Variants in PDSS2 observed in about 807,000 individuals in gnomAD.
PDSS2 encodes decaprenyl diphosphate synthase subunit 2, also known as all trans-polyprenyl-diphosphate synthase PDSS2.
Under a neutral mutation model 44.5 loss-of-function variants are expected in PDSS2, and 31 were observed. The ratio of observed to expected loss-of-function variants is 0.70; its 90% CI spans 0.52 to 0.94. PDSS2 has a LOEUF of 0.94. PDSS2 is among the 40% of genes least tolerant of loss of function. The pLI is 0.00. For synonymous variants in PDSS2, 157 were observed against 180.3 expected, an observed-to-expected ratio of 0.87 and a Z score of 1.03; for missense variants, 452 against 482.2, an observed-to-expected ratio of 0.94 and a Z score of 0.59.
intron 2 of PDSS2, among the ~76,000 whole-genome samples, chr6:107,326,010 CA>C (rs1267300755): frequency 1.3e-5 from 2 of 152,016 alleles, no homozygotes; most frequent in Admixed American, 6.5e-5. Flanking sequence ...CAGCCATGAT[CA>C]AATAGTCATT....
chr6:107,190,013 G>T lies in PDSS2; in HGVS notation c.1041+3809C>A, dbSNP rs186704171. ...GCAAGAGGATCATTTGAGCCCAGGA[G>T]TGGGAGGCTGCAGTAAGCTATGATT... On this transcript the variant is annotated intron_variant, in intron 7 of 7. Coordinates refer to ENST00000369037, the MANE Select transcript of PDSS2 (RefSeq NM_020381.4). Among the ~76,000 whole-genome samples the T allele has an allele frequency of 2.1e-4, 32 of 152,052 alleles. 2 individuals are homozygous for T. Among genetic ancestry groups the T allele is most frequent in the African/African-American group, 7.2e-4 (30 of 41,490 alleles).
chr6:107,448,454 T>C (rs1781759899), intron 1 of PDSS2, among the ~76,000 whole-genome samples: 1 of 152,186 alleles, frequency 6.6e-6, no homozygotes. Flanking sequence ...CCAATCTCTT[T>C]GCTAAAGCAT....
chr6:107,337,941 C>T (rs1237366646), intron 1 of PDSS2, among the ~76,000 whole-genome samples: 1 of 151,886 alleles, frequency 6.6e-6, no homozygotes, highest in Non-Finnish European at 1.5e-5. Flanking sequence ...ATTAAGAGAG[C>T]ATTCAGAAAA....
chr6:107,331,262 A>G (rs776673718), intron 2 of PDSS2, among the ~76,000 whole-genome samples: 24 of 152,226 alleles, frequency 1.6e-4, no homozygotes, highest in South Asian at 6.2e-4. Context: ...CACTATACCA[A>G]ATTACTTTTT....
chr6:107,173,984 T>C (rs1771699848), intron 7 of PDSS2, among the ~76,000 whole-genome samples: 2 of 152,166 alleles, frequency 1.3e-5, no homozygotes, highest in Non-Finnish European at 2.9e-5. Flanking sequence ...TACAAAAAAA[T>C]GCAAATGCAA....
At chr6:107,393,974 C>T (rs1328411539) in intron 1 of PDSS2, among the ~76,000 whole-genome samples, 2 of 152,146 alleles carry the variant, frequency 1.3e-5, no homozygotes, top group African/African-American at 2.4e-5. Flanking sequence ...TTATAGACAG[C>T]CAAGAGTTTC....
intron 7 of PDSS2, among the ~76,000 whole-genome samples, chr6:107,162,069 G>A (rs764450693): frequency 9.9e-5 from 15 of 152,104 alleles, no homozygotes; most frequent in African/African-American, 3.4e-4. Context: ...CCTGTGAGTC[G>A]TTAGGACTTG....
At chr6:107,314,617 C>G (rs966900584) in intron 2 of PDSS2, among the ~76,000 whole-genome samples, 1 of 152,196 alleles carries the variant, frequency 6.6e-6, no homozygotes, top group African/African-American at 2.4e-5. Flanking sequence ...GTTTATTACA[C>G]AGTGCTCATT....
intron 4 of PDSS2, among the ~76,000 whole-genome samples, chr6:107,218,777 G>C (rs1048208666): frequency 1.4e-4 from 21 of 152,070 alleles, no homozygotes; most frequent in Admixed American, 2.6e-4. Flanking sequence ...TCTCCTTTAG[G>C]CTGGATGCGG....
chr6:107,334,389 A>G (rs1317168580), intron 1 of PDSS2, 57 bp from the exon 2 acceptor site: 4 of 1,487,538 alleles, frequency 2.7e-6, no homozygotes, highest in Non-Finnish European at 3.7e-6. Flanking sequence ...TCATCAGATA[A>G]CTTAGAAAAC....
chr6:107,225,167 T>TATATATATATA, intron 4 of PDSS2, among the ~76,000 whole-genome samples: 1 of 43,518 alleles, frequency 2.3e-5, no homozygotes, highest in South Asian at 7.0e-4. Flanking sequence ...ATATATTTTT[T>TATATATATATA]TTTTTTTTTT....
chr6:107,168,395 AAT>A (rs1389610228), intron 7 of PDSS2, among the ~76,000 whole-genome samples: 1 of 152,074 alleles, frequency 6.6e-6, no homozygotes, highest in Non-Finnish European at 1.5e-5. Context: ...GGGTTTCCTG[AAT>A]ACAGCACACT....
intron 3 of PDSS2, among the ~76,000 whole-genome samples, chr6:107,246,432 C>T (rs1008714525): frequency 2.6e-5 from 4 of 152,158 alleles, no homozygotes; most frequent in South Asian, 2.1e-4. Context: ...CAACCCCATC[C>T]GCTTCTTACA....
intron 2 of PDSS2, among the ~76,000 whole-genome samples, chr6:107,308,316 T>C (rs1237997530): frequency 6.6e-6 from 1 of 152,252 alleles, no homozygotes; most frequent in Non-Finnish European, 1.5e-5. Context: ...TATCTGATTA[T>C]AATTATTATC....
intron 2 of PDSS2, among the ~76,000 whole-genome samples, chr6:107,304,542 G>A (rs146151755): frequency 2.3e-3 from 347 of 152,254 alleles, no homozygotes; most frequent in Middle Eastern, 3.4e-3. Context: ...TAATAGCTGC[G>A]TGAGCTGGAT....
chr6:107,420,977 G>A (rs564984332), intron 1 of PDSS2, among the ~76,000 whole-genome samples: 2 of 152,112 alleles, frequency 1.3e-5, no homozygotes, highest in Admixed American at 1.3e-4. Flanking sequence ...AATATGTAAA[G>A]AATTCTCTAA....
intron 1 of PDSS2, among the ~76,000 whole-genome samples, chr6:107,372,197 G>A (rs965267302): frequency 2.6e-4 from 40 of 152,142 alleles, no homozygotes; most frequent in Non-Finnish European, 1.3e-4. Context: ...AAGGTACCCA[G>A]GCAAAGATTT....
chr6:107,427,479 T>C (rs1478308075), intron 1 of PDSS2, among the ~76,000 whole-genome samples: 1 of 152,262 alleles, frequency 6.6e-6, no homozygotes. Flanking sequence ...AGAGCCTTTA[T>C]GAAATCAAAC....
chr6:107,212,645 T>C lies in PDSS2; in HGVS notation c.703-363A>G, dbSNP rs557986987. On this transcript the variant is annotated intron_variant, in intron 4 of 7. Coordinates refer to ENST00000369037, the MANE Select transcript of PDSS2 (RefSeq NM_020381.4). ...CTGGTATTAAGCACAAGAAGCCTAT[T>C]GCATTTAATTTATGTGAAAATGTCA... Among the ~76,000 whole-genome samples, 7 of 152,260 alleles carry C rather than the reference T, an allele frequency of 4.6e-5. 1 individual carries two copies. In the South Asian group the frequency reaches 1.5e-3, roughly 32 times the overall value.
Sources: allele counts gnomAD v4.1 joint callset (sites outside exome capture counted in the v4.1 genomes callset), GRCh38; gene constraint gnomAD v4.1.1; transcripts MANE v1.5; gene names NCBI Gene and HGNC (gene_info 2026-07-23, HGNC 2026-07-21).